RIMS2: variants seen among roughly 807,000 people sequenced by gnomAD.
RIMS2 encodes regulating synaptic membrane exocytosis 2, also known as regulating synaptic membrane exocytosis protein 2.
RIMS2 carries 59 observed loss-of-function variants against 174.4 expected under a neutral mutation model. That is an observed-to-expected ratio of 0.34 (90% confidence interval 0.27 to 0.42). The LOEUF (loss-of-function observed/expected upper bound fraction) is 0.42. Ranked by LOEUF, RIMS2 falls within the 10% of genes least tolerant of loss-of-function variation. The probability of loss-of-function intolerance (pLI) is 1.00; values close to 1 mark genes in which losing one functional copy is unlikely to be tolerated. For missense variants in RIMS2, 1,620 were observed against 1,666.3 expected, an observed-to-expected ratio of 0.97 and a Z score of 0.48; for synonymous variants, 606 against 572.5, an observed-to-expected ratio of 1.06 and a Z score of -0.84.
intron 1 of RIMS2, among the ~76,000 whole-genome samples, chr8:103,623,228 A>G (rs527545864): frequency 3.3e-5 from 5 of 152,326 alleles, no homozygotes; most frequent in African/African-American, 1.2e-4. Context: ...CTAGTAAGTT[A>G]TTTAACCATT....
intron 2 of RIMS2, among the ~76,000 whole-genome samples, chr8:103,735,740 C>A (rs541851835): frequency 1.3e-5 from 2 of 152,168 alleles, no homozygotes; most frequent in Non-Finnish European, 2.9e-5. Flanking sequence ...ATGGACCAAG[C>A]TGCAAATTAT....
At chr8:103,786,724 G>C (rs1592327051) in intron 3 of RIMS2, among the ~76,000 whole-genome samples, 1 of 152,144 alleles carries the variant, frequency 6.6e-6, no homozygotes, top group African/African-American at 2.4e-5. Flanking sequence ...CTGTGGTGTG[G>C]TTCTGAAAAA....
chr8:103,726,555 G>C (rs898034646), intron 2 of RIMS2, among the ~76,000 whole-genome samples: 4 of 151,494 alleles, frequency 2.6e-5, no homozygotes, highest in Non-Finnish European at 5.9e-5. Flanking sequence ...AGGCCATATA[G>C]GTGTTTTTTA....
chr8:103,532,182 T>A (rs1228327254), intron 1 of RIMS2, among the ~76,000 whole-genome samples: 1 of 152,196 alleles, frequency 6.6e-6, no homozygotes, highest in Non-Finnish European at 1.5e-5. Flanking sequence ...AAATATGATC[T>A]TCTTTTCCAT....
At chr8:104,143,134 G>C (rs918777143) in intron 19 of RIMS2, among the ~76,000 whole-genome samples, 23 of 152,154 alleles carry the variant, frequency 1.5e-4, no homozygotes, top group Non-Finnish European at 3.2e-4. Flanking sequence ...AAATTAATCA[G>C]AGACTATGTC....
intron 19 of RIMS2, among the ~76,000 whole-genome samples, chr8:104,114,451 AG>A (rs559778562): frequency 8.9e-4 from 135 of 152,136 alleles, no homozygotes; most frequent in African/African-American, 3.2e-3. Context: ...ATGGAAACAC[AG>A]AAAAAAGGAA....
intron 19 of RIMS2, among the ~76,000 whole-genome samples, chr8:104,055,917 G>A (rs2096860969): frequency 1.3e-5 from 2 of 151,728 alleles, no homozygotes; most frequent in African/African-American, 4.8e-5. Flanking sequence ...CTTTATCTCT[G>A]TCTTTCCCTC....
chr8:103,539,473 A>C (rs1841507926), intron 1 of RIMS2, among the ~76,000 whole-genome samples: 2 of 152,254 alleles, frequency 1.3e-5, no homozygotes, highest in South Asian at 2.1e-4. Context: ...AACATGGAGA[A>C]TATCCAAACA....
chr8:103,701,977 G>A (rs943085075), intron 2 of RIMS2, among the ~76,000 whole-genome samples: 1 of 151,930 alleles, frequency 6.6e-6, no homozygotes, highest in Non-Finnish European at 1.5e-5. Context: ...TCATATGGTG[G>A]TTCTATTTTT....
intron 1 of RIMS2, among the ~76,000 whole-genome samples, chr8:103,566,980 T>C (rs1004705397): frequency 3.9e-5 from 6 of 152,188 alleles, no homozygotes; most frequent in Non-Finnish European, 5.9e-5. Flanking sequence ...CTGTACCCGT[T>C]AGCACTCAAC....
At chr8:103,909,106 T>C (rs1056367718) in intron 4 of RIMS2, among the ~76,000 whole-genome samples, 2 of 152,164 alleles carry the variant, frequency 1.3e-5, no homozygotes, top group Admixed American at 1.3e-4. Flanking sequence ...TTGTATTCTT[T>C]CGTAGTGTCT....
chr8:103,953,920 G>T (rs201674585), intron 14 of RIMS2, among the ~76,000 whole-genome samples: 1 of 151,640 alleles, frequency 6.6e-6, no homozygotes, highest in Non-Finnish European at 1.5e-5. Context: ...CTACCAAGCA[G>T]ATGGAAAGCA....
At chr8:104,066,291 T>C (rs1350034547) in intron 19 of RIMS2, among the ~76,000 whole-genome samples, 2 of 152,178 alleles carry the variant, frequency 1.3e-5, no homozygotes, top group Non-Finnish European at 2.9e-5. Flanking sequence ...AATTTTAATA[T>C]AGCTTTCCTA....
chr8:103,922,677 T>C, intron 10 of RIMS2: 1 of 389,190 alleles, frequency 2.6e-6, no homozygotes, highest in Non-Finnish European at 5.2e-6. Context: ...GAGGCTGATA[T>C]TTTAAGCCCA....
chr8:104,198,920 A>G (rs1486473440), intron 19 of RIMS2, among the ~76,000 whole-genome samples: 1 of 152,230 alleles, frequency 6.6e-6, no homozygotes, highest in Non-Finnish European at 1.5e-5. Context: ...TGGCAGGGGA[A>G]CTTTCATAAG....
At chr8:103,718,404 G>A (rs2097400795) in intron 2 of RIMS2, among the ~76,000 whole-genome samples, 1 of 152,102 alleles carries the variant, frequency 6.6e-6, no homozygotes, top group Admixed American at 6.6e-5. Context: ...TGTGTATTGG[G>A]TGTATTGGGA....
intron 19 of RIMS2, among the ~76,000 whole-genome samples, chr8:104,024,998 A>G (rs1034073649): frequency 6.6e-6 from 1 of 152,210 alleles, no homozygotes; most frequent in Non-Finnish European, 1.5e-5. Context: ...TCACATACAA[A>G]TCTTCATAGA....
At chr8:103,517,890 A>G (rs1163971273) in intron 1 of RIMS2, among the ~76,000 whole-genome samples, 2 of 151,442 alleles carry the variant, frequency 1.3e-5, no homozygotes, top group South Asian at 2.1e-4. Context: ...TGGGCCACAC[A>G]TAAAATGCAC....
intron 1 of RIMS2, among the ~76,000 whole-genome samples, chr8:103,533,661 CA>C (rs34355378): frequency 0.015 from 980 of 66,048 alleles, 3 homozygotes; most frequent in African/African-American, 0.043. Context: ...GACCCTGTCT[CA>C]AAAAAAAAAA....
Sources: gnomAD v4.1 joint callset for allele counts (sites outside exome capture counted in the v4.1 genomes callset) on GRCh38, gnomAD v4.1.1 for gene constraint, MANE v1.5 for transcripts, NCBI Gene and HGNC (gene_info 2026-07-23, HGNC 2026-07-21) for gene names.